IGFBP7: variants seen among roughly 807,000 people sequenced by gnomAD.
IGFBP7 encodes insulin-like growth factor-binding protein 7.
In IGFBP7, 31 loss-of-function variants were observed where a neutral mutation model predicts 29.4. The observed-to-expected ratio is 1.05, with a 90% CI of 0.79 to 1.42. The LOEUF (loss-of-function observed/expected upper bound fraction) is 1.42. Ranked by LOEUF, IGFBP7 falls within the 40% of genes most tolerant of loss-of-function variation. The pLI is 0.00. For missense variants in IGFBP7, 393 were observed against 395.5 expected (o/e 0.99, Z 0.05); for synonymous variants, 172 against 174.9 (o/e 0.98, Z 0.13).
intron 1 of IGFBP7, among the ~76,000 whole-genome samples, chr4:57,096,534 C>T (rs554269806): frequency 4.6e-5 from 7 of 152,136 alleles, no homozygotes; most frequent in Admixed American, 2.0e-4. Context: ...CATCAGCATT[C>T]TGTAAAGCTC....
chr4:57,031,157 T>C lies in IGFBP7; in HGVS notation c.*160A>G. 1.3e-6 allele frequency: 1 copy of C among 740,894 alleles called. No homozygotes were observed. The highest frequency in any genetic ancestry group is 2.3e-6 in the Non-Finnish European group (1 of 432,808). The allele number at this position is 740,894 out of a possible 1,614,324, so 45.9% of individuals were successfully genotyped here. A position where few individuals can be genotyped will look rare whatever the true frequency, so the allele number is the denominator to read the frequency against. On this transcript the variant is annotated 3_prime_UTR_variant, in exon 5 of 5. Coordinates refer to ENST00000295666, the MANE Select transcript of IGFBP7 (RefSeq NM_001553.3). The stretch of plus-strand genomic sequence containing the variant: ...ATATATAATAAATTTTTGTAGATAG[T>C]CTTGATGTGTGATCTTTATTTTGTA...
At chr4:57,058,763 T>C (rs1020437888) in intron 1 of IGFBP7, among the ~76,000 whole-genome samples, 7 of 152,126 alleles carry the variant, frequency 4.6e-5, no homozygotes, top group African/African-American at 9.7e-5. Context: ...CTAATTAAAC[T>C]TAAGAGCTTC....
chr4:57,077,873 C>A (rs746649304), intron 1 of IGFBP7, among the ~76,000 whole-genome samples: 2 of 152,206 alleles, frequency 1.3e-5, no homozygotes, highest in Non-Finnish European at 2.9e-5. Flanking sequence ...AGCACTCAGG[C>A]CTCGTGGAGT....
At chr4:57,091,696 T>C (rs1298005571) in intron 1 of IGFBP7, among the ~76,000 whole-genome samples, 1 of 152,250 alleles carries the variant, frequency 6.6e-6, no homozygotes, top group East Asian at 1.9e-4. Context: ...TTTATACATG[T>C]ATTCTCAGCA....
chr4:57,059,084 G>A (rs1412033194), intron 1 of IGFBP7, among the ~76,000 whole-genome samples: 1 of 152,144 alleles, frequency 6.6e-6, no homozygotes, highest in Non-Finnish European at 1.5e-5. Context: ...TTATTAAATA[G>A]TCAAAAAACA....
intron 1 of IGFBP7, among the ~76,000 whole-genome samples, chr4:57,066,584 G>A (rs1472146318): frequency 6.6e-6 from 1 of 151,410 alleles, no homozygotes; most frequent in Non-Finnish European, 1.5e-5. Flanking sequence ...TTTTTTTGGA[G>A]ATGGAGTCTT....
intron 1 of IGFBP7, among the ~76,000 whole-genome samples, chr4:57,056,997 C>T (rs957552598): frequency 6.6e-6 from 1 of 151,948 alleles, no homozygotes; most frequent in Non-Finnish European, 1.5e-5. Flanking sequence ...TTCATGATTT[C>T]TATAGTAGAT....
intron 1 of IGFBP7, among the ~76,000 whole-genome samples, chr4:57,054,461 C>T (rs1718872): frequency 6.6e-6 from 1 of 151,340 alleles, no homozygotes; most frequent in African/African-American, 2.4e-5. Flanking sequence ...GGTGAAAACC[C>T]GTCTCTACTA....
chr4:57,093,443 T>C (rs1179115716), intron 1 of IGFBP7, among the ~76,000 whole-genome samples: 2 of 150,314 alleles, frequency 1.3e-5, no homozygotes, highest in Non-Finnish European at 2.9e-5. Flanking sequence ...GAGGTTGCAG[T>C]GAGCGGAGAT....
chr4:57,096,482 C>T (rs1310340594), intron 1 of IGFBP7, among the ~76,000 whole-genome samples: 1 of 152,064 alleles, frequency 6.6e-6, no homozygotes, highest in African/African-American at 2.4e-5. Flanking sequence ...GCCCAGGTCA[C>T]ATCCAAACCA....
intron 1 of IGFBP7, among the ~76,000 whole-genome samples, chr4:57,088,615 G>T (rs1396413818): frequency 6.6e-6 from 1 of 152,134 alleles, no homozygotes; most frequent in Non-Finnish European, 1.5e-5. Flanking sequence ...CGGCCAGATT[G>T]AGACCCTATT....
chr4:57,092,344 G>A (rs1018093855), intron 1 of IGFBP7, among the ~76,000 whole-genome samples: 1 of 152,114 alleles, frequency 6.6e-6, no homozygotes, highest in African/African-American at 2.4e-5. Flanking sequence ...TGTTCTTGCT[G>A]GAATAACTCT....
chr4:57,090,932 G>A (rs1259440129), intron 1 of IGFBP7, among the ~76,000 whole-genome samples: 1 of 152,192 alleles, frequency 6.6e-6, no homozygotes, highest in Non-Finnish European at 1.5e-5. Context: ...CACAGAAAAT[G>A]AAATTATACA....
chr4:57,086,641 G>C (rs1223354023), intron 1 of IGFBP7, among the ~76,000 whole-genome samples: 2 of 151,986 alleles, frequency 1.3e-5, no homozygotes, highest in Non-Finnish European at 2.9e-5. Flanking sequence ...GTTTTCCATG[G>C]GGCTTGGGTT....
intron 2 of IGFBP7, among the ~76,000 whole-genome samples, chr4:57,038,159 C>T (rs1378676932): frequency 6.6e-6 from 1 of 152,234 alleles, no homozygotes; most frequent in African/African-American, 2.4e-5. Flanking sequence ...GTGCCAATGT[C>T]AGTGGCCGCA....
chr4:57,070,970 G>T (rs1011072786), intron 1 of IGFBP7, among the ~76,000 whole-genome samples: 1 of 152,170 alleles, frequency 6.6e-6, no homozygotes, highest in Non-Finnish European at 1.5e-5. Context: ...TTTGAAGATG[G>T]GTTCTCCCTG....
chr4:57,067,949 A>G (rs1174842123), intron 1 of IGFBP7, among the ~76,000 whole-genome samples: 2 of 152,260 alleles, frequency 1.3e-5, no homozygotes, highest in African/African-American at 2.4e-5. Flanking sequence ...ATCATAAAAT[A>G]TCTAAACCAA....
At chr4:57,050,876 A>C (rs930578826) in intron 1 of IGFBP7, among the ~76,000 whole-genome samples, 10 of 152,158 alleles carry the variant, frequency 6.6e-5, no homozygotes, top group Admixed American at 2.6e-4. Context: ...AGTACATGCT[A>C]ACATGGCTAA....
At chr4:57,052,682 G>C (rs1411452118) in intron 1 of IGFBP7, among the ~76,000 whole-genome samples, 2 of 152,090 alleles carry the variant, frequency 1.3e-5, no homozygotes, top group Non-Finnish European at 2.9e-5. Flanking sequence ...GTCCATCTAA[G>C]AGCAGACCAT....
Sources: gnomAD v4.1 joint callset for allele counts (sites outside exome capture counted in the v4.1 genomes callset) on GRCh38, gnomAD v4.1.1 for gene constraint, MANE v1.5 for transcripts, NCBI Gene and HGNC (gene_info 2026-07-23, HGNC 2026-07-21) for gene names.